GALNT13: variants seen among roughly 807,000 people sequenced by gnomAD.
The protein encoded by GALNT13 is polypeptide N-acetylgalactosaminyltransferase 13.
A neutral mutation model predicts 64.2 loss-of-function variants in GALNT13; 28 were observed. The observed-to-expected ratio is 0.44, with a 90% CI of 0.32 to 0.60. The LOEUF (loss-of-function observed/expected upper bound fraction) is 0.60, where lower values mean the gene tolerates loss of function less well. Among genes scored for constraint, GALNT13 ranks in the 20% least tolerant of loss-of-function variants. The probability of loss-of-function intolerance (pLI) is 0.05; values close to 1 mark genes in which losing one functional copy is unlikely to be tolerated. For missense variants in GALNT13, 577 were observed against 669.8 expected, an observed-to-expected ratio of 0.86 and a Z score of 1.53; for synonymous variants, 214 against 224.6, an observed-to-expected ratio of 0.95 and a Z score of 0.42.
intron 12 of GALNT13, among the ~76,000 whole-genome samples, chr2:154,441,179 G>A (rs539935792): frequency 6.6e-6 from 1 of 152,176 alleles, no homozygotes; most frequent in African/African-American, 2.4e-5. Context: ...TTATACACTG[G>A]TTAAAGAATG....
intron 9 of GALNT13, among the ~76,000 whole-genome samples, chr2:154,366,235 A>T (rs1697354601): frequency 6.6e-6 from 1 of 152,164 alleles, no homozygotes. Context: ...TGATATTCAG[A>T]TATTTACATT....
At chr2:153,262,147 C>T in the GALNT13 span, among the ~76,000 whole-genome samples, 1 of 152,074 alleles carries the variant, frequency 6.6e-6, no homozygotes, top group African/African-American at 2.4e-5. Context: ...TCCTTATAGC[C>T]ACCACAGTTG....
At chr2:153,466,301 C>T in the GALNT13 span, among the ~76,000 whole-genome samples, 1 of 152,020 alleles carries the variant, frequency 6.6e-6, no homozygotes, top group Non-Finnish European at 1.5e-5. Context: ...AATGTAATCC[C>T]CCCTGACTGT....
Position 154,259,015 on chromosome 2 carries a change from A to C in GALNT13, c.858-6A>C, listed in dbSNP as rs1338252899. 1 of 1,480,720 alleles carries C rather than the reference A, an allele frequency of 6.8e-7. No homozygotes were observed. The highest frequency in any genetic ancestry group is 1.7e-5 in the Admixed American group (1 of 58,776). 91.7% of individuals were successfully genotyped at this position (1,480,720 alleles called of 1,614,324 possible). On this transcript the variant is annotated splice_polypyrimidine_tract_variant and splice_region_variant and intron_variant, in intron 7 of 12. Transcript: ENST00000392825. Reference sequence around the variant, plus strand: ...TATTCTTTTCTTTTTGTTTTTTTTCAACTAGGACCCCTACTATGGCTGGTG... The same window carrying C: ...TATTCTTTTCTTTTTGTTTTTTTTCCACTAGGACCCCTACTATGGCTGGTG...
chr2:154,051,853 C>T (rs1352771651), intron 3 of GALNT13, among the ~76,000 whole-genome samples: 1 of 152,136 alleles, frequency 6.6e-6, no homozygotes, highest in East Asian at 1.9e-4. Context: ...CAAAATATTT[C>T]ATTCAGTGTA....
At chr2:153,436,629 G>A in the GALNT13 span, among the ~76,000 whole-genome samples, 1 of 152,158 alleles carries the variant, frequency 6.6e-6, no homozygotes, top group Non-Finnish European at 1.5e-5. Flanking sequence ...GGTGTTTGTA[G>A]TATTCTCTGA....
the GALNT13 span, among the ~76,000 whole-genome samples, chr2:153,799,749 G>A: frequency 6.6e-6 from 1 of 152,096 alleles, no homozygotes; most frequent in African/African-American, 2.4e-5. Flanking sequence ...GTGACAAATG[G>A]CATTTCCAAA....
chr2:153,778,105 C>T, the GALNT13 span, among the ~76,000 whole-genome samples: 2 of 152,312 alleles, frequency 1.3e-5, no homozygotes, highest in African/African-American at 4.8e-5. Context: ...CAATGGCCTG[C>T]TGGCATGCCA....
chr2:154,243,617 G>A (rs1689616938), intron 6 of GALNT13, among the ~76,000 whole-genome samples: 2 of 152,170 alleles, frequency 1.3e-5, no homozygotes, highest in Non-Finnish European at 2.9e-5. Flanking sequence ...ATACATACCT[G>A]CAATTCCTTC....
At chr2:153,184,119 T>G in the GALNT13 span, among the ~76,000 whole-genome samples, 3 of 152,178 alleles carry the variant, frequency 2.0e-5, no homozygotes, top group African/African-American at 7.2e-5. Flanking sequence ...GAATACTTTT[T>G]CATTTGTTTG....
At chr2:153,278,606 T>C in the GALNT13 span, among the ~76,000 whole-genome samples, 1 of 152,086 alleles carries the variant, frequency 6.6e-6, no homozygotes, top group Non-Finnish European at 1.5e-5. Flanking sequence ...ATTTATTGAA[T>C]AGGGATTCTT....
At chr2:153,272,492 CA>C in the GALNT13 span, among the ~76,000 whole-genome samples, 1 of 151,784 alleles carries the variant, frequency 6.6e-6, no homozygotes, top group Non-Finnish European at 1.5e-5. Context: ...TTTATATGGC[CA>C]ACAAACATAT....
At chr2:153,937,297 G>T (rs1691006700) in intron 2 of GALNT13, among the ~76,000 whole-genome samples, 1 of 152,144 alleles carries the variant, frequency 6.6e-6, no homozygotes, top group Non-Finnish European at 1.5e-5. Context: ...ATATTATTTG[G>T]CAATAAAAAG....
the GALNT13 span, among the ~76,000 whole-genome samples, chr2:153,705,597 G>C: frequency 1.9e-3 from 296 of 152,154 alleles, 2 homozygotes; most frequent in African/African-American, 6.5e-3. Context: ...CATTCTCCTT[G>C]GACAAACAGC....
At chr2:154,266,984 G>A (rs1691040535) in intron 8 of GALNT13, among the ~76,000 whole-genome samples, 1 of 151,974 alleles carries the variant, frequency 6.6e-6, no homozygotes, top group African/African-American at 2.4e-5. Context: ...TCAAGACTGT[G>A]TGTTATTAAC....
chr2:153,266,210 T>C, the GALNT13 span, among the ~76,000 whole-genome samples: 21 of 152,196 alleles, frequency 1.4e-4, no homozygotes, highest in Non-Finnish European at 3.1e-4. Flanking sequence ...TTTGACATGA[T>C]TGCCTAATAC....
chr2:154,059,308 A>G (rs1004144475), intron 3 of GALNT13, among the ~76,000 whole-genome samples: 1 of 152,234 alleles, frequency 6.6e-6, no homozygotes, highest in African/African-American at 2.4e-5. Context: ...TAACCATGTT[A>G]TGGTATTTAA....
At chr2:153,605,943 G>A in the GALNT13 span, among the ~76,000 whole-genome samples, 1 of 152,022 alleles carries the variant, frequency 6.6e-6, no homozygotes, top group African/African-American at 2.4e-5. Flanking sequence ...GAGGGTCTGT[G>A]AGATGCTGTG....
the GALNT13 span, among the ~76,000 whole-genome samples, chr2:153,755,484 A>C: frequency 6.6e-6 from 1 of 152,056 alleles, no homozygotes; most frequent in South Asian, 2.1e-4. Flanking sequence ...TTTAATGGGC[A>C]TTTCTCTAAT....
Sources: gnomAD v4.1 joint callset for allele counts (sites outside exome capture counted in the v4.1 genomes callset) on GRCh38, gnomAD v4.1.1 for gene constraint, MANE v1.5 for transcripts, NCBI Gene and HGNC (gene_info 2026-07-23, HGNC 2026-07-21) for gene names.